CDH13: variants seen among roughly 807,000 people sequenced by gnomAD.
The protein encoded by CDH13 is cadherin 13.
CDH13 carries 24 observed loss-of-function variants against 63.8 expected under a neutral mutation model. The ratio of observed to expected loss-of-function variants is 0.38; its 90% CI spans 0.27 to 0.53. The LOEUF is 0.53. Ranked by LOEUF, CDH13 falls within the 20% of genes least tolerant of loss-of-function variation. The pLI, the probability that CDH13 is intolerant of heterozygous loss-of-function variation, is 0.85. For synonymous variants in CDH13, 503 were observed against 355.3 expected (o/e 1.42, Z -4.67); for missense variants, 1,049 against 903.1 (o/e 1.16, Z -2.07).
chr16:82,652,506 A>T (rs3852732), intron 1 of CDH13, among the ~76,000 whole-genome samples: 2 of 152,042 alleles, frequency 1.3e-5, no homozygotes, highest in Non-Finnish European at 2.9e-5. Flanking sequence ...AAGTTTGCTC[A>T]GTGATATGAT....
At chr16:83,200,659 A>G (rs573216092) in intron 4 of CDH13, among the ~76,000 whole-genome samples, 1 of 152,272 alleles carries the variant, frequency 6.6e-6, no homozygotes, top group East Asian at 1.9e-4. Flanking sequence ...AGTAACCGAA[A>G]CTTGAGAGGA....
chr16:83,376,716 G>T (rs1462344491), intron 6 of CDH13, among the ~76,000 whole-genome samples: 1 of 152,038 alleles, frequency 6.6e-6, no homozygotes, highest in Non-Finnish European at 1.5e-5. Context: ...GGACTTGGGG[G>T]TTTCTGATAC....
chr16:82,687,508 A>C (rs1013924561), intron 1 of CDH13, among the ~76,000 whole-genome samples: 1 of 152,166 alleles, frequency 6.6e-6, no homozygotes, highest in African/African-American at 2.4e-5. Flanking sequence ...AGGAGGAGCA[A>C]AGTCACATCT....
intron 10 of CDH13, among the ~76,000 whole-genome samples, chr16:83,723,586 G>A (rs1374187560): frequency 6.6e-6 from 1 of 152,166 alleles, no homozygotes; most frequent in Non-Finnish European, 1.5e-5. Flanking sequence ...CGCTAAAGAA[G>A]CCCTCCTCAA....
intron 8 of CDH13, among the ~76,000 whole-genome samples, chr16:83,604,718 A>C (rs1241316770): frequency 1.3e-5 from 2 of 152,194 alleles, no homozygotes; most frequent in Non-Finnish European, 2.9e-5. Context: ...TCAAAATAAA[A>C]ACTCAGAGCA....
chr16:82,716,898 A>G (rs576925694), intron 1 of CDH13, among the ~76,000 whole-genome samples: 3 of 152,010 alleles, frequency 2.0e-5, no homozygotes, highest in South Asian at 4.2e-4. Context: ...ATGCACCTCT[A>G]GGGCTCATTC....
chr16:82,814,148 C>A (rs575711368), intron 1 of CDH13, among the ~76,000 whole-genome samples: 4 of 152,096 alleles, frequency 2.6e-5, no homozygotes, highest in African/African-American at 7.2e-5. Flanking sequence ...TTGGTCTCTG[C>A]CCCCAGTTCT....
chr16:83,794,506 T>C (rs1307680891), intron 13 of CDH13, among the ~76,000 whole-genome samples: 3 of 152,136 alleles, frequency 2.0e-5, no homozygotes, highest in Non-Finnish European at 4.4e-5. Context: ...TGAGCCAAGA[T>C]TGTACCACTA....
At chr16:83,159,395 T>C (rs1309694031) in intron 4 of CDH13, among the ~76,000 whole-genome samples, 3 of 152,224 alleles carry the variant, frequency 2.0e-5, no homozygotes, top group African/African-American at 7.2e-5. Context: ...CACATTTCCA[T>C]ATTGCAAAAA....
intron 8 of CDH13, among the ~76,000 whole-genome samples, chr16:83,636,044 AG>A (rs1230875666): frequency 2.6e-5 from 4 of 152,022 alleles, no homozygotes; most frequent in African/African-American, 9.7e-5. Context: ...TTGCTCCAGT[AG>A]CCTTTTAGAA....
chr16:82,792,041 ACCCGCTGCTGTCCC>A (rs926938363), intron 1 of CDH13, among the ~76,000 whole-genome samples: 1 of 152,078 alleles, frequency 6.6e-6, no homozygotes, highest in African/African-American at 2.4e-5. Context: ...GGTTTTTGGC[ACCCGCTGCTGTCCC>A]CTCCTTTTGA....
intron 6 of CDH13, among the ~76,000 whole-genome samples, chr16:83,432,859 A>C (rs2072165750): frequency 6.6e-6 from 1 of 152,186 alleles, no homozygotes; most frequent in Non-Finnish European, 1.5e-5. Flanking sequence ...CACACCATAA[A>C]TGTGTAGTGT....
At chr16:83,404,654 T>C (rs1446328937) in intron 6 of CDH13, among the ~76,000 whole-genome samples, 1 of 152,194 alleles carries the variant, frequency 6.6e-6, no homozygotes, top group Non-Finnish European at 1.5e-5. Flanking sequence ...CAAAGGAATA[T>C]ATAGTGAAAA....
chr16:83,747,367 GAAA>G (rs1466392455), intron 10 of CDH13, among the ~76,000 whole-genome samples: 1 of 152,048 alleles, frequency 6.6e-6, no homozygotes, highest in Non-Finnish European at 1.5e-5. Flanking sequence ...TTTATAAAGG[GAAA>G]CCCATTTTGC....
At chr16:82,668,050 G>T (rs1303357030) in intron 1 of CDH13, among the ~76,000 whole-genome samples, 1 of 152,136 alleles carries the variant, frequency 6.6e-6, no homozygotes, top group Non-Finnish European at 1.5e-5. Context: ...GATTATCTGT[G>T]TGCCTGATGT....
At chr16:83,399,467 T>C (rs548504241) in intron 6 of CDH13, among the ~76,000 whole-genome samples, 2 of 152,350 alleles carry the variant, frequency 1.3e-5, no homozygotes, top group East Asian at 1.9e-4. Context: ...ATCTGTCAGA[T>C]GGCCTTTCTC....
At chr16:83,730,338 C>T (rs1432232223) in intron 10 of CDH13, among the ~76,000 whole-genome samples, 1 of 152,186 alleles carries the variant, frequency 6.6e-6, no homozygotes. Context: ...ATTAACCTGG[C>T]ATTCCCCAGT....
chr16:83,290,389 G>T (rs912672732), intron 5 of CDH13, among the ~76,000 whole-genome samples: 1 of 152,078 alleles, frequency 6.6e-6, no homozygotes, highest in Non-Finnish European at 1.5e-5. Context: ...ACGGGGGGCA[G>T]GTTTTTCCCA....
chr16:82,796,299 C>T (rs542797049), intron 1 of CDH13, among the ~76,000 whole-genome samples: 3 of 152,308 alleles, frequency 2.0e-5, no homozygotes, highest in Admixed American at 2.0e-4. Flanking sequence ...TGGGAAACAT[C>T]AAGCCTTACC....
Sources: allele counts gnomAD v4.1 joint callset (sites outside exome capture counted in the v4.1 genomes callset), GRCh38; gene constraint gnomAD v4.1.1; transcripts MANE v1.5; gene names NCBI Gene and HGNC (gene_info 2026-07-23, HGNC 2026-07-21).